ANKS1B: variants seen among roughly 807,000 people sequenced by gnomAD.
ANKS1B encodes ankyrin repeat and sterile alpha motif domain-containing protein 1B.
A neutral mutation model predicts 148.3 loss-of-function variants in ANKS1B; 36 were observed. The ratio of observed to expected loss-of-function variants is 0.24; its 90% confidence interval spans 0.19 to 0.32. The LOEUF (loss-of-function observed/expected upper bound fraction) is 0.32. ANKS1B is among the 10% of genes least tolerant of loss of function. The pLI, the probability that ANKS1B is intolerant of heterozygous loss-of-function variation, is 1.00. For missense variants in ANKS1B, 1,157 were observed against 1,542.6 expected, an observed-to-expected ratio of 0.75 and a Z score of 4.19; for synonymous variants, 542 against 560.8, an observed-to-expected ratio of 0.97 and a Z score of 0.47.
At chr12:99,720,846 C>A (rs577266408) in intron 8 of ANKS1B, among the ~76,000 whole-genome samples, 1 of 152,294 alleles carries the variant, frequency 6.6e-6, no homozygotes, top group African/African-American at 2.4e-5. Flanking sequence ...GTTTACACTG[C>A]CGGTTTACAC....
intron 1 of ANKS1B, among the ~76,000 whole-genome samples, chr12:99,850,281 G>GTCTCTCCCTCTCTC (rs57015094): frequency 0.041 from 4,632 of 114,146 alleles, 481 homozygotes; most frequent in African/African-American, 0.11. Flanking sequence ...AAGCAAGAAA[G>GTCTCTCCCTCTCTC]TCTCTCTCTC....
rs1600980613 is a variant in ANKS1B, at chr12:99,735,557, A to G, written c.1128+37365T>C. 2.0e-5 allele frequency among the ~76,000 whole-genome samples: 3 copies of G among 152,276 alleles called. No homozygotes were observed. The South Asian group carries it at 6.2e-4, about 32-fold the overall frequency. On this transcript the variant is annotated intron_variant, in intron 8 of 26. Transcript: ENST00000683438. ...GACATATACAGCCTACCAAGAATAA[A>G]TCAGGAAGATACAGAAAACCTGAAC...
intron 9 of ANKS1B, among the ~76,000 whole-genome samples, chr12:99,525,492 G>A (rs2096918319): frequency 6.6e-6 from 1 of 152,102 alleles, no homozygotes; most frequent in African/African-American, 2.4e-5. Context: ...ACTACAAATG[G>A]TTCTGGTACA....
At chr12:98,807,983 A>T (rs2099064024) in intron 19 of ANKS1B, 65 bp from the exon 20 acceptor site, 8 of 1,272,130 alleles carry the variant, frequency 6.3e-6, no homozygotes, top group South Asian at 1.3e-5. Flanking sequence ...CCAAGGTAGC[A>T]TCCAGGAAGG....
chr12:99,417,187 T>G (rs1567060750), intron 11 of ANKS1B, among the ~76,000 whole-genome samples: 1 of 152,272 alleles, frequency 6.6e-6, no homozygotes, highest in African/African-American at 2.4e-5. Flanking sequence ...AAAAGTTTTA[T>G]AGTTCTATAT....
chr12:98,940,300 T>C (rs1170066382), intron 17 of ANKS1B, among the ~76,000 whole-genome samples: 2 of 152,176 alleles, frequency 1.3e-5, no homozygotes, highest in Non-Finnish European at 2.9e-5. Context: ...GATGGGAGCC[T>C]GACCTTGGGT....
chr12:99,852,429 A>C (rs971491882), intron 1 of ANKS1B, among the ~76,000 whole-genome samples: 11 of 152,234 alleles, frequency 7.2e-5, no homozygotes, highest in African/African-American at 2.7e-4. Flanking sequence ...CACTTAAGAA[A>C]ATATTTCAAA....
At chr12:99,571,615 G>A (rs10129037) in intron 9 of ANKS1B, among the ~76,000 whole-genome samples, 1 of 151,962 alleles carries the variant, frequency 6.6e-6, no homozygotes, top group Non-Finnish European at 1.5e-5. Flanking sequence ...CGAATGTTAA[G>A]GTCTCATCCA....
intron 9 of ANKS1B, among the ~76,000 whole-genome samples, chr12:99,581,433 C>T (rs2097568581): frequency 6.6e-6 from 1 of 152,064 alleles, no homozygotes; most frequent in Admixed American, 6.6e-5. Flanking sequence ...TAAATGTAGG[C>T]CCTAAACTAA....
chr12:99,443,543 C>A, intron 11 of ANKS1B, 130 bp downstream of exon 11: 1 of 935,416 alleles, frequency 1.1e-6, no homozygotes, highest in South Asian at 2.9e-5. Flanking sequence ...TTCTGAGTCC[C>A]CTCTTTTAAT....
intron 1 of ANKS1B, among the ~76,000 whole-genome samples, chr12:99,902,453 G>A (rs991650685): frequency 6.6e-6 from 1 of 152,202 alleles, no homozygotes; most frequent in African/African-American, 2.4e-5. Flanking sequence ...CATTCTAGGA[G>A]CGAGCAACGG....
intron 9 of ANKS1B, among the ~76,000 whole-genome samples, chr12:99,621,817 T>C (rs1452725884): frequency 6.6e-6 from 1 of 150,770 alleles, no homozygotes; most frequent in East Asian, 1.9e-4. Context: ...GTGGAGGACT[T>C]CAATATCCCA....
chr12:99,124,808 G>T lies in ANKS1B; in HGVS notation c.2526+29481C>A, dbSNP rs367654734. On this transcript the variant is annotated intron_variant, in intron 15 of 26. Coordinates refer to ENST00000683438, the MANE Select transcript of ANKS1B (RefSeq NM_001352186.2). The stretch of plus-strand genomic sequence containing the variant: ...CCAAGAGATAATGGGGGTATTGGAA[G>T]AAAATTAATTCAATATGAAGGAATT... Among the ~76,000 whole-genome samples, 148 of 152,216 alleles carry T rather than the reference G, an allele frequency of 9.7e-4. 1 individual carries two copies. The South Asian group carries it at 0.029, about 30-fold the overall frequency.
intron 16 of ANKS1B, among the ~76,000 whole-genome samples, chr12:99,059,862 C>T (rs1403687234): frequency 7.0e-6 from 1 of 142,004 alleles, no homozygotes; most frequent in Non-Finnish European, 1.5e-5. Flanking sequence ...CATGTATCTT[C>T]AGCAGTACCC....
At chr12:99,137,257 T>C (rs1334808010) in intron 15 of ANKS1B, among the ~76,000 whole-genome samples, 2 of 152,188 alleles carry the variant, frequency 1.3e-5, no homozygotes, top group Non-Finnish European at 2.9e-5. Context: ...TAACAGGATC[T>C]TTGACACCAG....
intron 1 of ANKS1B, among the ~76,000 whole-genome samples, chr12:99,905,253 G>A (rs2093736257): frequency 6.6e-6 from 1 of 152,184 alleles, no homozygotes; most frequent in Admixed American, 6.5e-5. Flanking sequence ...GTACCCAAAT[G>A]TCCACCTGTA....
At chr12:98,802,617 T>G (rs2099014311) in intron 20 of ANKS1B, among the ~76,000 whole-genome samples, 1 of 133,544 alleles carries the variant, frequency 7.5e-6, no homozygotes, top group Non-Finnish European at 1.6e-5. Flanking sequence ...TTTTTTTTTT[T>G]TTTTTTTTTT....
At chr12:98,944,343 A>G (rs180677480) in intron 17 of ANKS1B, among the ~76,000 whole-genome samples, 24 of 144,920 alleles carry the variant, frequency 1.7e-4, no homozygotes, top group African/African-American at 6.0e-4. Flanking sequence ...CTCTTGCCAC[A>G]TGACACGCTG....
intron 8 of ANKS1B, among the ~76,000 whole-genome samples, chr12:99,665,555 C>A (rs1329767489): frequency 6.6e-6 from 1 of 151,796 alleles, no homozygotes; most frequent in East Asian, 1.9e-4. Context: ...GGCACCATCT[C>A]GGCTCACTGC....
Sources: gnomAD v4.1 joint callset for allele counts (sites outside exome capture counted in the v4.1 genomes callset) on GRCh38, gnomAD v4.1.1 for gene constraint, MANE v1.5 for transcripts, NCBI Gene and HGNC (gene_info 2026-07-23, HGNC 2026-07-21) for gene names.